Variants in STT3B observed in about 807,000 individuals in gnomAD.
The protein encoded by STT3B is dolichyl-diphosphooligosaccharide--protein glycosyltransferase subunit STT3B.
A neutral mutation model predicts 96.8 loss-of-function variants in STT3B; 29 were observed. The observed-to-expected ratio is 0.30, with a 90% CI of 0.22 to 0.41. The LOEUF (loss-of-function observed/expected upper bound fraction) is 0.41, where lower values mean the gene tolerates loss of function less well. Ranked by LOEUF, STT3B falls within the 10% of genes least tolerant of loss-of-function variation. The pLI, the probability that STT3B is intolerant of heterozygous loss-of-function variation, is 1.00. For synonymous variants in STT3B, 367 were observed against 360.0 expected, an observed-to-expected ratio of 1.02 and a Z score of -0.22; for missense variants, 640 against 1,022.3, an observed-to-expected ratio of 0.63 and a Z score of 5.10.
chr3:31,538,177 C>A (rs886075620), intron 1 of STT3B, among the ~76,000 whole-genome samples: 1 of 152,144 alleles, frequency 6.6e-6, no homozygotes, highest in Admixed American at 6.6e-5. Context: ...ATCTTCCTAT[C>A]CATTACTACT....
intron 5 of STT3B, among the ~76,000 whole-genome samples, chr3:31,613,662 T>A (rs1246975299): frequency 4.3e-5 from 1 of 23,470 alleles, no homozygotes; most frequent in African/African-American, 8.8e-5. Context: ...TTAGTATGCA[T>A]GGTTCTTTTT....
chr3:31,580,209 C>A, intron 3 of STT3B, 113 bp downstream of exon 3: 1 of 953,084 alleles, frequency 1.0e-6, no homozygotes, highest in Non-Finnish European at 1.6e-6. Context: ...GTACAGAGAT[C>A]TGTATTACTG....
In STT3B at chr3:31,618,002, C is replaced by A. The variant is rs1699346188; in HGVS notation, c.1172+14C>A. ...GTGGGATACTGGGTAAGTACAGTTA[C>A]ATTATTTGGCATCATATTTATTGAA... On this transcript the variant is annotated intron_variant, in intron 8 of 15. Transcript: ENST00000295770. The A allele has an allele frequency of 6.5e-7, 1 of 1,533,206 alleles. No homozygotes were observed. The highest frequency in any genetic ancestry group is 9.0e-7 in the Non-Finnish European group (1 of 1,107,824). 95.0% of individuals were successfully genotyped at this position (1,533,206 alleles called of 1,614,324 possible).
At chr3:31,614,946 C>T (rs960727238) in intron 5 of STT3B, among the ~76,000 whole-genome samples, 159 bp from the exon 6 acceptor site, 6 of 151,784 alleles carry the variant, frequency 4.0e-5, no homozygotes, top group Non-Finnish European at 8.9e-5. Context: ...GAATCTGTAA[C>T]ATATGGTTAA....
intron 1 of STT3B, among the ~76,000 whole-genome samples, chr3:31,553,050 C>A (rs1296226284): frequency 1.4e-5 from 2 of 145,964 alleles, no homozygotes; most frequent in Non-Finnish European, 3.0e-5. Context: ...TGCAGTGAGT[C>A]GAGATCGCGC....
intron 4 of STT3B, among the ~76,000 whole-genome samples, chr3:31,599,852 G>T (rs937150835): frequency 6.6e-6 from 1 of 152,042 alleles, no homozygotes; most frequent in Non-Finnish European, 1.5e-5. Flanking sequence ...AAAAATTCAT[G>T]CCCAACTAGC....
intron 3 of STT3B, among the ~76,000 whole-genome samples, chr3:31,584,576 A>G (rs1698493815): frequency 6.6e-6 from 1 of 152,172 alleles, no homozygotes; most frequent in South Asian, 2.1e-4. Context: ...TTGATAATCT[A>G]GTAGAAGAAA....
intron 5 of STT3B, among the ~76,000 whole-genome samples, chr3:31,609,810 G>A (rs1048346582): frequency 1.3e-5 from 2 of 152,034 alleles, no homozygotes. Context: ...GGGCAGGCTG[G>A]TCTTTAACTC....
In STT3B at chr3:31,619,654, A is replaced by G. The variant is rs767319144; in HGVS notation, c.1173-22A>G. The G allele has an allele frequency of 1.0e-5, 16 of 1,592,756 alleles. No homozygotes were observed. In the East Asian group the frequency reaches 1.8e-4, roughly 18 times the overall value. On this transcript the variant is annotated intron_variant, in intron 8 of 15. Transcript: ENST00000295770. ...CTGTTTTATCACTTAATTGTAAACA[A>G]TATTAACTTTTTTAATACCAGGTAT...
In STT3B at chr3:31,592,964, C is replaced by G. The variant is rs183546004; in HGVS notation, c.712-3834C>G. 4.6e-5 allele frequency among the ~76,000 whole-genome samples: 7 copies of G among 152,292 alleles called. No individual in the cohort carries two copies. The East Asian group carries it at 1.2e-3, about 25-fold the overall frequency. ...AAAGTGCAAAGGTGATCACTTCTGTCTGCTCTTCTATGACAAAAAGCAGCA... is the reference window on the plus strand; with the variant it reads ...AAAGTGCAAAGGTGATCACTTCTGTGTGCTCTTCTATGACAAAAAGCAGCA... On this transcript the variant is annotated intron_variant, in intron 3 of 15. Transcript: ENST00000295770.
intron 7 of STT3B, among the ~76,000 whole-genome samples, chr3:31,617,395 A>G (rs1212624707): frequency 6.6e-6 from 1 of 151,768 alleles, no homozygotes; most frequent in Non-Finnish European, 1.5e-5. Context: ...TCAGCAGTTT[A>G]CTAACAGAAT....
chr3:31,625,108 G>T, intron 12 of STT3B, 23 bp downstream of exon 12: 7 of 1,595,738 alleles, frequency 4.4e-6, no homozygotes, highest in Non-Finnish European at 5.1e-6. Context: ...TAAATACAAG[G>T]TTAAAAAATC....
intron 5 of STT3B, among the ~76,000 whole-genome samples, chr3:31,614,154 A>G (rs560663725): frequency 6.6e-6 from 1 of 152,178 alleles, no homozygotes; most frequent in African/African-American, 2.4e-5. Flanking sequence ...GCTACACAGT[A>G]TATAGGATAC....
Position 31,533,003 on chromosome 3 carries a change from C to T in STT3B, c.5C>T (p.Ala2Val). The T allele has an allele frequency of 1.3e-6, 2 of 1,588,014 alleles. No homozygotes were observed. The highest frequency in any genetic ancestry group is 2.5e-5 in the East Asian group (1 of 40,592). The change falls in exon 1 of 16, where the codon GCG (alanine) becomes GTG (valine). Residue 2 changes from alanine (A) to valine (V), a missense_variant. This residue lies in a region of STT3B where 89 missense variants were observed against 81.7 expected (regional missense o/e 1.09). Transcript: ENST00000295770. The stretch of plus-strand genomic sequence containing the variant: ...GACCCGCCGCCGGGGCACAACATGG[C>T]GGAGCCCTCGGCCCCGGAGAGCAAG... The part of the protein sequence containing the change: M[A>V]EPSAPESKHK...
At chr3:31,622,069 C>T in intron 9 of STT3B, 28 bp from the exon 10 acceptor site, 1 of 1,594,850 alleles carries the variant, frequency 6.3e-7, no homozygotes, top group Non-Finnish European at 8.6e-7. Context: ...TTCCCTCCAA[C>T]ATATTGTAAG....
chr3:31,549,630 A>T (rs1167841564), intron 1 of STT3B, among the ~76,000 whole-genome samples: 3 of 152,166 alleles, frequency 2.0e-5, no homozygotes, highest in Non-Finnish European at 4.4e-5. Context: ...AACGTGTATT[A>T]TGTATTTCTA....
At chr3:31,595,994 G>A (rs1411434143) in intron 3 of STT3B, among the ~76,000 whole-genome samples, 4 of 152,168 alleles carry the variant, frequency 2.6e-5, no homozygotes, top group African/African-American at 9.7e-5. Flanking sequence ...TTTATATTGT[G>A]TTTGACTCAA....
chr3:31,622,572 T>A (rs1437287044), intron 10 of STT3B, among the ~76,000 whole-genome samples: 1 of 152,196 alleles, frequency 6.6e-6, no homozygotes, highest in Non-Finnish European at 1.5e-5. Context: ...ATACCCTTGT[T>A]AATATACCCT....
At chr3:31,548,055 C>G (rs2125438494) in intron 1 of STT3B, among the ~76,000 whole-genome samples, 1 of 152,238 alleles carries the variant, frequency 6.6e-6, no homozygotes. Flanking sequence ...AATGTTTGGT[C>G]ATTTACCTTC....
Sources: allele counts gnomAD v4.1 joint callset (sites outside exome capture counted in the v4.1 genomes callset), GRCh38; gene constraint gnomAD v4.1.1; regional missense constraint gnomAD v4.1.1; transcripts MANE v1.5; gene names NCBI Gene and HGNC (gene_info 2026-07-23, HGNC 2026-07-21).